CAMTA1: variants seen among roughly 807,000 people sequenced by gnomAD.
CAMTA1 encodes the protein calmodulin-binding transcription activator 1.
A neutral mutation model predicts 170.9 loss-of-function variants in CAMTA1; 27 were observed. That is an observed-to-expected ratio of 0.16 (90% CI 0.12 to 0.22). The LOEUF (loss-of-function observed/expected upper bound fraction) is 0.22. Ranked by LOEUF, CAMTA1 falls within the 10% of genes least tolerant of loss-of-function variation. The pLI is 1.00. For missense variants in CAMTA1, 1,619 were observed against 2,217.2 expected (o/e 0.73, Z 5.42); for synonymous variants, 833 against 891.5 (o/e 0.93, Z 1.17).
chr1:7,541,006 G>A lies in CAMTA1; in HGVS notation c.510+73105G>A, dbSNP rs114829916. On this transcript the variant is annotated intron_variant, in intron 6 of 22. Coordinates refer to ENST00000303635, the MANE Select transcript of CAMTA1 (RefSeq NM_015215.4). ...GGGCACGTCGACCTGGAGAACTGGA[G>A]GTTGCAGGGTCCCTCCGCACACTGG... Among the ~76,000 whole-genome samples the A allele has an allele frequency of 9.2e-3, 1,396 of 152,358 alleles. 11 individuals carry two copies. Among genetic ancestry groups the A allele is most frequent in the Non-Finnish European group, 0.016 (1,066 of 68,040 alleles).
At chr1:6,786,250 C>T (rs1005747605) in intron 1 of CAMTA1, among the ~76,000 whole-genome samples, 1 of 152,032 alleles carries the variant, frequency 6.6e-6, no homozygotes, top group Non-Finnish European at 1.5e-5. Context: ...GACCCCTCCC[C>T]CTTCGCTTCC....
chr1:7,746,011 C>T lies in CAMTA1; in HGVS notation c.4537C>T (p.Gln1513Ter). The part of the protein sequence containing the change: ...TSEKVENEFA[Q>*]LTLSDHEQRE... The stretch of plus-strand genomic sequence containing the variant: ...TGAGAAGGTAGAGAATGAGTTTGCT[C>T]AGCTCACTCTGTCTGATCATGAACA... The change falls in exon 18 of 23, where the codon CAG becomes TAG. Residue 1513 changes from glutamine (Q) to a stop codon, truncating the protein, a stop_gained. Coordinates refer to ENST00000303635, the MANE Select transcript of CAMTA1 (RefSeq NM_015215.4). LOFTEE classifies it high-confidence loss of function. 1 of 1,614,210 alleles carries T rather than the reference C, an allele frequency of 6.2e-7. No individual in the cohort carries two copies. Among genetic ancestry groups the T allele is most frequent in the Non-Finnish European group, 8.5e-7 (1 of 1,180,036 alleles).
chr1:7,715,264 A>G (rs1222957843), intron 11 of CAMTA1, among the ~76,000 whole-genome samples: 1 of 152,124 alleles, frequency 6.6e-6, no homozygotes, highest in African/African-American at 2.4e-5. Context: ...TAGGGATTCG[A>G]GAGAGAGGAT....
chr1:7,595,387 T>C (rs887331358), intron 6 of CAMTA1, among the ~76,000 whole-genome samples: 38 of 152,370 alleles, frequency 2.5e-4, no homozygotes, highest in Admixed American at 2.4e-3. Flanking sequence ...TTTTTAAAAA[T>C]ACCTTTTAGA....
intron 2 of CAMTA1, among the ~76,000 whole-genome samples, chr1:6,823,232 C>G (rs1421336928): frequency 1.3e-5 from 2 of 152,026 alleles, no homozygotes; most frequent in African/African-American, 4.8e-5. Context: ...GTATTCTCTG[C>G]TTTAAAGTTT....
intron 5 of CAMTA1, among the ~76,000 whole-genome samples, chr1:7,321,000 C>T (rs1488352183): frequency 6.6e-6 from 1 of 152,158 alleles, no homozygotes; most frequent in African/African-American, 2.4e-5. Context: ...GGGTCTTTCC[C>T]AATGCATAGT....
intron 4 of CAMTA1, among the ~76,000 whole-genome samples, chr1:7,238,279 G>A (rs1664254590): frequency 6.6e-6 from 1 of 151,860 alleles, no homozygotes; most frequent in Non-Finnish European, 1.5e-5. Context: ...GAGACTCGGT[G>A]GTTTAGAGCA....
chr1:7,343,039 T>C (rs2149823142), intron 5 of CAMTA1, among the ~76,000 whole-genome samples: 1 of 152,318 alleles, frequency 6.6e-6, no homozygotes, highest in East Asian at 1.9e-4. Context: ...ACCCTACGCA[T>C]GGCTAAAATA....
chr1:7,043,156 A>G (rs926042067), intron 3 of CAMTA1, among the ~76,000 whole-genome samples: 1 of 152,206 alleles, frequency 6.6e-6, no homozygotes, highest in Non-Finnish European at 1.5e-5. Context: ...GGCCGCTGGC[A>G]CAGGCCTCTG....
At chr1:7,197,994 G>A (rs2148989862) in intron 4 of CAMTA1, among the ~76,000 whole-genome samples, 1 of 152,024 alleles carries the variant, frequency 6.6e-6, no homozygotes, top group East Asian at 2.0e-4. Context: ...ACCGGGAGAT[G>A]CTCTCTCAGC....
chr1:7,752,405 C>T, intron 20 of CAMTA1, 54 bp from the exon 21 acceptor site: 1 of 1,498,992 alleles, frequency 6.7e-7, no homozygotes, highest in Non-Finnish European at 9.3e-7. Flanking sequence ...ACCAGTTTTC[C>T]ATATTGGGCT....
intron 4 of CAMTA1, among the ~76,000 whole-genome samples, chr1:7,168,512 C>T (rs1290227145): frequency 2.0e-5 from 3 of 152,204 alleles, no homozygotes; most frequent in Non-Finnish European, 4.4e-5. Context: ...AAGCAGTTCT[C>T]CCATCTCACC....
intron 4 of CAMTA1, among the ~76,000 whole-genome samples, chr1:7,203,765 A>G (rs1372994767): frequency 6.6e-6 from 1 of 150,674 alleles, no homozygotes; most frequent in African/African-American, 2.4e-5. Flanking sequence ...TGGTCAGTCT[A>G]AAGATTTGCC....
chr1:7,321,218 G>A (rs1678368706), intron 5 of CAMTA1, among the ~76,000 whole-genome samples: 1 of 152,188 alleles, frequency 6.6e-6, no homozygotes, highest in South Asian at 2.1e-4. Flanking sequence ...CAGCCTCCCA[G>A]GCATCCAACT....
intron 5 of CAMTA1, among the ~76,000 whole-genome samples, chr1:7,335,139 TGGGGGGG>T (rs1557537211): frequency 1.8e-5 from 1 of 54,778 alleles, no homozygotes. Flanking sequence ...TGTGTGTGTG[TGGGGGGG>T]GGGGGGGGGG....
At chr1:6,975,601 G>C (rs956982961) in intron 3 of CAMTA1, among the ~76,000 whole-genome samples, 2 of 152,146 alleles carry the variant, frequency 1.3e-5, no homozygotes, top group Admixed American at 6.5e-5. Flanking sequence ...TGGCAGGAGA[G>C]GAGGAGGTGG....
chr1:7,094,658 C>T (rs574184255), intron 4 of CAMTA1, among the ~76,000 whole-genome samples: 95 of 152,126 alleles, frequency 6.2e-4, no homozygotes, highest in African/African-American at 2.3e-3. Flanking sequence ...AGAGAAGGCC[C>T]CGGGAGCCCC....
Position 6,901,420 on chromosome 1 carries a change from T to G in CAMTA1, c.234+76210T>G, listed in dbSNP as rs1249089387. 3.3e-5 allele frequency among the ~76,000 whole-genome samples: 5 copies of G among 152,226 alleles called. No homozygotes were observed. In the East Asian group the frequency reaches 9.6e-4, roughly 29 times the overall value. On this transcript the variant is annotated intron_variant, in intron 3 of 22. Transcript: ENST00000303635. ...TTAAAAAATCCTGTTCTTCAAAAGG[T>G]ACTGTTTAGATAATGAAAAAACAAG...
intron 5 of CAMTA1, among the ~76,000 whole-genome samples, chr1:7,258,891 G>A (rs1013487794): frequency 7.9e-5 from 12 of 152,176 alleles, no homozygotes; most frequent in African/African-American, 2.9e-4. Context: ...TTAGGCACCA[G>A]CAGAGGGCAG....
Sources: gnomAD v4.1 joint callset for allele counts (sites outside exome capture counted in the v4.1 genomes callset) on GRCh38, gnomAD v4.1.1 for gene constraint, MANE v1.5 for transcripts, NCBI Gene and HGNC (gene_info 2026-07-23, HGNC 2026-07-21) for gene names.